Variants in RAD18 observed in about 807,000 individuals in gnomAD.
RAD18 encodes E3 ubiquitin-protein ligase RAD18.
A neutral mutation model predicts 60.4 loss-of-function variants in RAD18; 47 were observed. The ratio of observed to expected loss-of-function variants is 0.78; its 90% CI spans 0.62 to 0.99. The LOEUF (loss-of-function observed/expected upper bound fraction) is 0.99. Ranked by LOEUF, RAD18 falls within the 50% of genes least tolerant of loss-of-function variation. The probability of loss-of-function intolerance (pLI) is 0.00; values close to 1 mark genes in which losing one functional copy is unlikely to be tolerated. For synonymous variants in RAD18, 225 were observed against 195.5 expected (o/e 1.15, Z -1.26); for missense variants, 640 against 593.3 (o/e 1.08, Z -0.82).
At chr3:8,923,299 G>C (rs1940364357) in intron 7 of RAD18, among the ~76,000 whole-genome samples, 2 of 152,206 alleles carry the variant, frequency 1.3e-5, no homozygotes, top group South Asian at 4.1e-4. Flanking sequence ...CGATCAATTG[G>C]AAGAAAGGGT....
chr3:8,955,743 C>A (rs995466041), intron 2 of RAD18, among the ~76,000 whole-genome samples: 4 of 152,152 alleles, frequency 2.6e-5, no homozygotes, highest in Non-Finnish European at 5.9e-5. Flanking sequence ...CCAAATCTCT[C>A]GGCTTGGAAA....
intron 7 of RAD18, among the ~76,000 whole-genome samples, chr3:8,918,296 C>A (rs1014071836): frequency 7.0e-5 from 7 of 100,130 alleles, no homozygotes; most frequent in Admixed American, 4.7e-4. Flanking sequence ...CCAGCCTGGG[C>A]AACTAGAGTG....
chr3:8,953,234 T>C (rs1210913372), intron 2 of RAD18, among the ~76,000 whole-genome samples: 1 of 150,784 alleles, frequency 6.6e-6, no homozygotes, highest in Non-Finnish European at 1.5e-5. Context: ...ATATATGTAA[T>C]TGTACCTATA....
intron 12 of RAD18, among the ~76,000 whole-genome samples, chr3:8,883,167 G>A (rs1013690942): frequency 8.5e-5 from 13 of 152,174 alleles, no homozygotes; most frequent in Admixed American, 2.6e-4. Context: ...CATAACATGT[G>A]TATAACTGTA....
intron 4 of RAD18, among the ~76,000 whole-genome samples, chr3:8,945,430 C>A (rs1237940210): frequency 6.6e-6 from 1 of 150,826 alleles, no homozygotes; most frequent in Admixed American, 6.6e-5. Context: ...TAATCCTAAC[C>A]CTGTGTGGGC....
At chr3:8,920,278 C>CAAAAAAAAAAA (rs60504682) in intron 7 of RAD18, among the ~76,000 whole-genome samples, 1 of 70,064 alleles carries the variant, frequency 1.4e-5, no homozygotes, top group Non-Finnish European at 3.3e-5. Context: ...GACTCCGTCT[C>CAAAAAAAAAAA]AAAAAAAAAA....
At position 8,902,476 on chromosome 3, in the gene RAD18, T is replaced by C. The variant is rs556528980; in HGVS notation, c.1072A>G (p.Arg358Gly). Residue 358 changes from arginine (R) to glycine (G), a missense_variant, in exon 10 of 13, where the codon AGA (arginine) becomes GGA (glycine). Coordinates refer to ENST00000264926, the MANE Select transcript of RAD18 (RefSeq NM_020165.4). The part of the protein sequence containing the change: ...SEFQLLVDQA[R>G]KGYKKIAGMS... Reference sequence around the variant, plus strand: ...CCAGCAATTTTCTTGTATCCTTTTCTAGCCTGATCCACCAGAAGCTGAAAT... The same window carrying C: ...CCAGCAATTTTCTTGTATCCTTTTCCAGCCTGATCCACCAGAAGCTGAAAT... 26 of 1,608,680 alleles carry C rather than the reference T, an allele frequency of 1.6e-5. No homozygotes were observed. The East Asian group carries it at 4.9e-4, about 30-fold the overall frequency.
chr3:8,893,586 G>A (rs1207477481), intron 11 of RAD18, among the ~76,000 whole-genome samples: 1 of 151,722 alleles, frequency 6.6e-6, no homozygotes, highest in Non-Finnish European at 1.5e-5. Flanking sequence ...AAAGTTCCAG[G>A]TTCCAAAAAA....
intron 7 of RAD18, among the ~76,000 whole-genome samples, chr3:8,923,136 A>C (rs1027421534): frequency 1.3e-5 from 2 of 152,192 alleles, no homozygotes; most frequent in Non-Finnish European, 2.9e-5. Flanking sequence ...AGGAAGTTCA[A>C]ACCCATGGCA....
chr3:8,918,564 A>T (rs1024111225), intron 7 of RAD18, among the ~76,000 whole-genome samples: 2 of 151,662 alleles, frequency 1.3e-5, no homozygotes, highest in African/African-American at 4.9e-5. Context: ...ACTGGCTAAG[A>T]TCTCAGCATG....
Position 8,935,961 on chromosome 3 carries a change from T to G in RAD18, c.799A>C (p.Ile267Leu). 1.9e-6 allele frequency: 3 copies of G among 1,611,196 alleles called. No individual in the cohort carries two copies. Among genetic ancestry groups the G allele is most frequent in the Non-Finnish European group, 8.5e-7 (1 of 1,177,520 alleles). ...KKKLKEHGLS[I>L]QGNKQQLIKR... ...ATGAGCTGTTGTTTATTTCCTTGAA[T>G]AGATAATCCATGCTCTTTTAGCTTT... The change falls in exon 7 of 13, where the codon ATT becomes CTT. Residue 267 changes from isoleucine to leucine, a missense_variant. By Grantham distance (5) the Ile-to-Leu change is conservative. Coordinates refer to ENST00000264926, the MANE Select transcript of RAD18 (RefSeq NM_020165.4).
intron 11 of RAD18, among the ~76,000 whole-genome samples, chr3:8,898,123 TAGC>T (rs1392257571): frequency 6.6e-6 from 1 of 152,004 alleles, no homozygotes; most frequent in Non-Finnish European, 1.5e-5. Context: ...AGCTTTACCA[TAGC>T]ATCAGGTACA....
chr3:8,891,075 AATATATAT>A (rs71049753), intron 11 of RAD18, among the ~76,000 whole-genome samples: 3 of 25,972 alleles, frequency 1.2e-4, no homozygotes, highest in African/African-American at 2.2e-4. Context: ...ATATATATAA[AATATATAT>A]ATATATATAT....
At chr3:8,892,787 AAATGTATGACTGGT>A (rs1337595664) in intron 11 of RAD18, among the ~76,000 whole-genome samples, 1 of 152,202 alleles carries the variant, frequency 6.6e-6, no homozygotes, top group African/African-American at 2.4e-5. Context: ...TACCTACGGC[AAATGTATGACTGGT>A]AATGTTAGTT....
chr3:8,906,199 G>C (rs1410389497), intron 9 of RAD18, among the ~76,000 whole-genome samples: 1 of 119,262 alleles, frequency 8.4e-6, no homozygotes, highest in Non-Finnish European at 1.8e-5. Flanking sequence ...TTTTGTTTCA[G>C]TCATGTGTAT....
chr3:8,886,915 G>T (rs1939575418), intron 12 of RAD18, among the ~76,000 whole-genome samples: 1 of 152,172 alleles, frequency 6.6e-6, no homozygotes, highest in Non-Finnish European at 1.5e-5. Context: ...GCTGGGGCCA[G>T]AACACGAAAA....
rs187008299 is a variant in RAD18 at position 8,904,734 on chromosome 3, G to C, written c.1028-2214C>G. On this transcript the variant is annotated intron_variant, in intron 9 of 12. Transcript: ENST00000264926. ...CATCATCATTATGTAGTTTCTATTAGGCGAGGGTGACACAGTACTATGGGA... is the reference window on the plus strand; with the variant it reads ...CATCATCATTATGTAGTTTCTATTACGCGAGGGTGACACAGTACTATGGGA... 1.1e-3 allele frequency among the ~76,000 whole-genome samples: 166 copies of C among 152,238 alleles called. 2 individuals are homozygous for C. The highest frequency in any genetic ancestry group is 3.9e-3 in the African/African-American group (160 of 41,534).
chr3:8,899,443 A>G (rs757240944), intron 10 of RAD18, among the ~76,000 whole-genome samples: 1 of 152,184 alleles, frequency 6.6e-6, no homozygotes, highest in Non-Finnish European at 1.5e-5. Context: ...GACAACCACA[A>G]TATTTGCTAC....
chr3:8,918,044 G>A lies in RAD18; in HGVS notation c.890-4324C>T, dbSNP rs190878487. On this transcript the variant is annotated intron_variant, in intron 7 of 12. Transcript: ENST00000264926. The stretch of plus-strand genomic sequence containing the variant: ...TAAAGAGTGAAATTAGGGGCCGGGC[G>A]CAGTGGGTCATGCCTGTAATCCCAG... Among the ~76,000 whole-genome samples, 20 of 152,308 alleles carry A rather than the reference G, an allele frequency of 1.3e-4. No individual in the cohort carries two copies. The East Asian group carries it at 3.5e-3, about 26-fold the overall frequency.
Sources: allele counts gnomAD v4.1 joint callset (sites outside exome capture counted in the v4.1 genomes callset), GRCh38; gene constraint gnomAD v4.1.1; transcripts MANE v1.5; gene names NCBI Gene and HGNC (gene_info 2026-07-23, HGNC 2026-07-21).